The following NRG3 variants were observed in gnomAD, a reference collection of about 807,000 sequenced individuals.
The protein encoded by NRG3 is pro-neuregulin-3, membrane-bound isoform.
A neutral mutation model predicts 66.9 loss-of-function variants in NRG3; 31 were observed. That is an observed-to-expected ratio of 0.46 (90% confidence interval 0.35 to 0.63). The LOEUF (loss-of-function observed/expected upper bound fraction) is 0.63. NRG3 is among the 20% of genes least tolerant of loss of function. The probability of loss-of-function intolerance (pLI) is 0.00; values close to 1 mark genes in which losing one functional copy is unlikely to be tolerated. For synonymous variants in NRG3, 393 were observed against 359.4 expected, an observed-to-expected ratio of 1.09 and a Z score of -1.06; for missense variants, 910 against 878.9, an observed-to-expected ratio of 1.04 and a Z score of -0.45.
At chr10:82,061,852 C>G (rs886907926) in intron 1 of NRG3, among the ~76,000 whole-genome samples, 2 of 149,104 alleles carry the variant, frequency 1.3e-5, no homozygotes, top group African/African-American at 5.1e-5. Flanking sequence ...TTCTCTCTCT[C>G]TCTCTCTCTC....
chr10:81,960,894 CT>C (rs1850293867), intron 1 of NRG3, among the ~76,000 whole-genome samples: 1 of 152,074 alleles, frequency 6.6e-6, no homozygotes, highest in Admixed American at 6.6e-5. Flanking sequence ...ATAAAGACCC[CT>C]CATCCACAGA....
At chr10:81,942,050 C>T (rs1217917797) in intron 1 of NRG3, among the ~76,000 whole-genome samples, 1 of 151,954 alleles carries the variant, frequency 6.6e-6, no homozygotes, top group Non-Finnish European at 1.5e-5. Flanking sequence ...CTTTGTAGGC[C>T]TAAAATTTCA....
chr10:82,343,674 C>A (rs1015018947), intron 1 of NRG3, among the ~76,000 whole-genome samples: 5 of 152,018 alleles, frequency 3.3e-5, no homozygotes, highest in Non-Finnish European at 5.9e-5. Flanking sequence ...TGAGAGTAGA[C>A]CTGATGTACA....
At chr10:82,619,988 G>T (rs994842335) in intron 2 of NRG3, among the ~76,000 whole-genome samples, 10 of 152,154 alleles carry the variant, frequency 6.6e-5, no homozygotes, top group African/African-American at 2.4e-4. Context: ...CCCTTCATCG[G>T]ACTTGTGACA....
Position 82,080,127 on chromosome 10 carries a change from C to T in NRG3, c.823+203964C>T, listed in dbSNP as rs114784930. 2.3e-3 allele frequency among the ~76,000 whole-genome samples: 348 copies of T among 152,264 alleles called. 1 individual carries two copies. Among genetic ancestry groups the T allele is most frequent in the African/African-American group, 7.9e-3 (329 of 41,576 alleles). ...GGACTTTGCGTGGGCCTGAGTTCTG[C>T]ATTCACAGTGGCTCCCATCCCAGTC... is the stretch of plus-strand genomic sequence containing the variant. On this transcript the variant is annotated intron_variant, in intron 1 of 8. Transcript: ENST00000372141.
chr10:82,213,331 A>G (rs1309337586), intron 1 of NRG3, among the ~76,000 whole-genome samples: 1 of 152,234 alleles, frequency 6.6e-6, no homozygotes, highest in South Asian at 2.1e-4. Flanking sequence ...GCATGATATC[A>G]CAAGTTGAAA....
At chr10:82,223,757 G>A (rs1464907882) in intron 1 of NRG3, among the ~76,000 whole-genome samples, 14 of 151,472 alleles carry the variant, frequency 9.2e-5, no homozygotes, top group Admixed American at 8.6e-4. Context: ...CACACTCCAC[G>A]TGTTCTGCCT....
intron 3 of NRG3, among the ~76,000 whole-genome samples, chr10:82,740,047 T>C (rs1485669458): frequency 6.6e-6 from 1 of 151,892 alleles, no homozygotes; most frequent in African/African-American, 2.4e-5. Context: ...AGTTTTTCTC[T>C]TTTTCTTTCT....
chr10:82,773,307 A>G (rs535458254), intron 3 of NRG3, among the ~76,000 whole-genome samples: 11 of 152,212 alleles, frequency 7.2e-5, no homozygotes, highest in African/African-American at 2.6e-4. Context: ...ATTATATCCT[A>G]GTGATTTTAA....
intron 3 of NRG3, among the ~76,000 whole-genome samples, chr10:82,856,743 C>CAAAAAAAAA (rs371581250): frequency 1.5e-5 from 1 of 66,396 alleles, no homozygotes; most frequent in Non-Finnish European, 2.9e-5. Context: ...GACTCTGTCT[C>CAAAAAAAAA]AAAAAAAAAA....
intron 1 of NRG3, among the ~76,000 whole-genome samples, chr10:81,976,291 C>G (rs548482852): frequency 2.0e-5 from 3 of 152,204 alleles, no homozygotes; most frequent in African/African-American, 7.2e-5. Flanking sequence ...AGCTAATAGG[C>G]ACTATAAAGG....
intron 4 of NRG3, among the ~76,000 whole-genome samples, chr10:82,901,077 A>T (rs373241218): frequency 6.6e-6 from 1 of 152,348 alleles, no homozygotes. Flanking sequence ...CCCCAGAACT[A>T]TCTAACAGCA....
chr10:82,521,167 G>A (rs1382475118), intron 2 of NRG3, among the ~76,000 whole-genome samples: 1 of 151,934 alleles, frequency 6.6e-6, no homozygotes, highest in Non-Finnish European at 1.5e-5. Flanking sequence ...TATTAAATGT[G>A]CAATAACGTT....
intron 2 of NRG3, among the ~76,000 whole-genome samples, chr10:82,615,727 AT>A (rs2048603428): frequency 6.6e-6 from 1 of 152,200 alleles, no homozygotes; most frequent in Non-Finnish European, 1.5e-5. Flanking sequence ...AACTCATTTT[AT>A]TATCACAACT....
intron 2 of NRG3, among the ~76,000 whole-genome samples, chr10:82,735,538 A>C (rs2058111905): frequency 2.0e-5 from 3 of 152,228 alleles, no homozygotes; most frequent in South Asian, 4.1e-4. Flanking sequence ...CTGGATAAAG[A>C]AAATGTGGCC....
At chr10:82,308,363 A>G (rs1406278840) in intron 1 of NRG3, among the ~76,000 whole-genome samples, 1 of 152,146 alleles carries the variant, frequency 6.6e-6, no homozygotes, top group Non-Finnish European at 1.5e-5. Context: ...TGCTGGGATT[A>G]CAGGCATGAG....
rs183616909 is a variant in NRG3, at chr10:82,732,659, C to T, written c.954-5918C>T. 2.0e-3 allele frequency among the ~76,000 whole-genome samples: 311 copies of T among 152,292 alleles called. 2 individuals are homozygous for T. Among genetic ancestry groups the T allele is most frequent in the African/African-American group, 7.1e-3 (294 of 41,558 alleles). ...TAACATTTCTTGAATGCTTATCATG[C>T]ACCACAGGTATTGTATCATTTACTC... On this transcript the variant is annotated intron_variant, in intron 2 of 8. Transcript: ENST00000372141.
chr10:82,962,389 A>T (rs989408932), intron 6 of NRG3, among the ~76,000 whole-genome samples: 1 of 152,194 alleles, frequency 6.6e-6, no homozygotes, highest in Admixed American at 6.5e-5. Context: ...ATCAAGAGAA[A>T]ATATTCACAA....
intron 2 of NRG3, among the ~76,000 whole-genome samples, chr10:82,668,655 C>G (rs2052994174): frequency 6.6e-6 from 1 of 152,176 alleles, no homozygotes; most frequent in South Asian, 2.1e-4. Flanking sequence ...AGTTTCCATG[C>G]TCTGTGTAGA....
Sources: allele counts gnomAD v4.1 joint callset (sites outside exome capture counted in the v4.1 genomes callset), GRCh38; gene constraint gnomAD v4.1.1; transcripts MANE v1.5; gene names NCBI Gene and HGNC (gene_info 2026-07-23, HGNC 2026-07-21).